Variants in KIAA0753 observed in about 807,000 individuals in gnomAD.
KIAA0753 encodes the protein protein moonraker.
A neutral mutation model predicts 116.9 loss-of-function variants in KIAA0753; 114 were observed. The ratio of observed to expected loss-of-function variants is 0.98; its 90% CI spans 0.84 to 1.14. KIAA0753 has a LOEUF of 1.14. Among genes scored for constraint, KIAA0753 ranks in the 50% most tolerant of loss-of-function variants. KIAA0753 has a pLI of 0.00. For synonymous variants in KIAA0753, 405 were observed against 413.1 expected (o/e 0.98, Z 0.24); for missense variants, 1,156 against 1,172.4 (o/e 0.99, Z 0.20).
rs568034655 is a variant in KIAA0753 at position 6,602,863 on chromosome 17, C to T, written c.2010-2405G>A. ...TTTTGATCGGCAATCACTCCCCCTA[C>T]GTTTAAACATGAGAAGATAGCCAAG... On this transcript the variant is annotated intron_variant, in intron 12 of 18. Coordinates refer to ENST00000361413, the MANE Select transcript of KIAA0753 (RefSeq NM_014804.3). 3.3e-5 allele frequency among the ~76,000 whole-genome samples: 5 copies of T among 151,890 alleles called. No individual in the cohort carries two copies. In the South Asian group the frequency reaches 6.2e-4, roughly 19 times the overall value.
intron 3 of KIAA0753, among the ~76,000 whole-genome samples, chr17:6,625,850 C>T (rs895670559): frequency 2.0e-5 from 3 of 152,000 alleles, no homozygotes; most frequent in South Asian, 4.1e-4. Flanking sequence ...TACAGGTCCA[C>T]ACCACCACAC....
At position 6,611,963 on chromosome 17, in the gene KIAA0753, C is replaced by T. The variant is rs11868877; in HGVS notation, c.1501G>A (p.Val501Met). 4.1e-3 allele frequency: 6,630 copies of T among 1,614,098 alleles called. 173 individuals are homozygous for T. In the African/African-American group the frequency reaches 0.063, roughly 15 times the overall value. ...AGAGTATCTTTCTTCCTAAACGGCA[C>T]ATTCTCAGTCACAGGCTTCTTTTTC... Reference protein sequence around the residue: ...AGKKKPVTENVPFRKKDTLAP... With the variant: ...AGKKKPVTENMPFRKKDTLAP... The change falls in exon 8 of 19, where the codon GTG becomes ATG. Residue 501 changes from valine (V) to methionine (M), a missense_variant. Val to Met is a conservative substitution (Grantham distance 21, BLOSUM62 1). Transcript: ENST00000361413.
At chr17:6,617,729 C>A (rs1326200108) in intron 7 of KIAA0753, among the ~76,000 whole-genome samples, 2 of 152,246 alleles carry the variant, frequency 1.3e-5, no homozygotes, top group Non-Finnish European at 2.9e-5. Flanking sequence ...CCACTCCCAT[C>A]CTCCATCCTC....
At chr17:6,618,939 C>T (rs904515449) in intron 7 of KIAA0753, among the ~76,000 whole-genome samples, 3 of 152,064 alleles carry the variant, frequency 2.0e-5, no homozygotes, top group African/African-American at 4.8e-5. Context: ...TTAAAAACTC[C>T]AATAATAGGC....
intron 2 of KIAA0753, among the ~76,000 whole-genome samples, chr17:6,631,671 T>C (rs1295554759): frequency 6.6e-6 from 1 of 152,194 alleles, no homozygotes; most frequent in Admixed American, 6.5e-5. Flanking sequence ...TGAATGTGTG[T>C]ACATGTATGT....
intron 12 of KIAA0753, 88 bp downstream of exon 12, chr17:6,606,785 C>G: frequency 1.0e-6 from 1 of 959,946 alleles, no homozygotes; most frequent in Non-Finnish European, 1.7e-6. Flanking sequence ...GAAGTTAGGC[C>G]TTAACAGTCC....
rs180745871 is a variant in KIAA0753, at chr17:6,579,870, A to G, written c.2787-6T>C. The G allele has an allele frequency of 1.7e-5, 28 of 1,609,424 alleles. No homozygotes were observed. Among genetic ancestry groups the G allele is most frequent in the African/African-American group, 2.7e-5 (2 of 74,936 alleles). On this transcript the variant is annotated splice_polypyrimidine_tract_variant and splice_region_variant and intron_variant, in intron 18 of 18. Coordinates refer to ENST00000361413, the MANE Select transcript of KIAA0753 (RefSeq NM_014804.3). ...CTACCAGCTCTTCTGAAAAGCTGGAAGACAAACAACACAACTAAAGGTATG... is the reference window on the plus strand; with the variant it reads ...CTACCAGCTCTTCTGAAAAGCTGGAGGACAAACAACACAACTAAAGGTATG...
chr17:6,623,020 A>T lies in KIAA0753; in HGVS notation c.966T>A (p.Thr322=), dbSNP rs966334957. 2 of 1,614,210 alleles carry T rather than the reference A, an allele frequency of 1.2e-6. No homozygotes were observed. Among genetic ancestry groups the T allele is most frequent in the Non-Finnish European group, 8.5e-7 (1 of 1,180,022 alleles). Residue 322 remains threonine (T), a synonymous_variant, in exon 6 of 19, where the codon ACT becomes ACA. Transcript: ENST00000361413. ...CAGGAAGTGGATGCTCCCCTCGGTC[A>T]GTAAACTGAGTGACAAACATCTGTA... ...RALQMFVTQF[T]DRGEHPLPAR...
chr17:6,598,700 A>G (rs998802072), intron 14 of KIAA0753, among the ~76,000 whole-genome samples: 23 of 152,256 alleles, frequency 1.5e-4, no homozygotes. Flanking sequence ...GGTCCTCCAG[A>G]GGAAGAGTAC....
At chr17:6,601,765 G>C (rs1969889572) in intron 12 of KIAA0753, among the ~76,000 whole-genome samples, 1 of 152,156 alleles carries the variant, frequency 6.6e-6, no homozygotes. Flanking sequence ...TTCTTAGCTA[G>C]TTCACCAAAA....
At chr17:6,622,793 T>C (rs1971413490) in intron 6 of KIAA0753, 89 bp downstream of exon 6, 10 of 1,133,356 alleles carry the variant, frequency 8.8e-6, no homozygotes, top group Non-Finnish European at 1.3e-5. Flanking sequence ...TGGCTTTGTC[T>C]TGTATTCTCC....
chr17:6,623,635 G>C, intron 4 of KIAA0753, 64 bp from the exon 5 acceptor site: 1 of 1,558,502 alleles, frequency 6.4e-7, no homozygotes. Context: ...TGTAGAAAAG[G>C]ATGCATCGAT....
At position 6,579,722 on chromosome 17, in the gene KIAA0753, C is replaced by T; in HGVS notation, c.*25G>A. On this transcript the variant is annotated 3_prime_UTR_variant, in exon 19 of 19. Coordinates refer to ENST00000361413, the MANE Select transcript of KIAA0753 (RefSeq NM_014804.3). ...GTGCCATCCCTTCTCCAGTGTGACA[C>T]AAATGGCCTCGCCTCAGAGAGCCTT... The T allele has an allele frequency of 1.3e-6, 2 of 1,527,562 alleles. No homozygotes were observed. Among genetic ancestry groups the T allele is most frequent in the Non-Finnish European group, 1.8e-6 (2 of 1,102,832 alleles). The allele number at this position is 1,527,562 out of a possible 1,614,324, so 94.6% of individuals were successfully genotyped here.
intron 3 of KIAA0753, 108 bp downstream of exon 3, chr17:6,628,009 G>C (rs1390611947): frequency 3.6e-6 from 4 of 1,103,726 alleles, no homozygotes; most frequent in Non-Finnish European, 3.9e-6. Context: ...CCAACTCACA[G>C]AAGGAAAGAA....
At chr17:6,596,911 G>C (rs535520964) in intron 14 of KIAA0753, among the ~76,000 whole-genome samples, 65 of 152,184 alleles carry the variant, frequency 4.3e-4, no homozygotes, top group Non-Finnish European at 7.3e-4. Context: ...CTCTTGATTT[G>C]AATGCATGTT....
chr17:6,607,732 C>T (rs1000444143), intron 10 of KIAA0753, among the ~76,000 whole-genome samples: 4 of 152,120 alleles, frequency 2.6e-5, no homozygotes, highest in Admixed American at 6.6e-5. Context: ...TTTAATGGAC[C>T]GCTTTCATTT....
chr17:6,593,785 G>A (rs766829601), intron 16 of KIAA0753, among the ~76,000 whole-genome samples: 1 of 152,230 alleles, frequency 6.6e-6, no homozygotes, highest in African/African-American at 2.4e-5. Context: ...TTGGGAGGCT[G>A]AGGCAACAAG....
intron 1 of KIAA0753, chr17:6,635,376 C>CA (rs892538884): frequency 2.5e-3 from 566 of 224,928 alleles, no homozygotes; most frequent in East Asian, 4.1e-3. Flanking sequence ...ATTTCAAAAA[C>CA]AAAAAAAAAT....
At chr17:6,636,246 C>T (rs1239686884) in intron 1 of KIAA0753, 1 of 152,134 alleles carries the variant, frequency 6.6e-6, no homozygotes, top group Non-Finnish European at 1.5e-5. Context: ...ATTTCTAAGG[C>T]TGTAGCACAC....
Sources: gnomAD v4.1 joint callset for allele counts (sites outside exome capture counted in the v4.1 genomes callset) on GRCh38, gnomAD v4.1.1 for gene constraint, MANE v1.5 for transcripts, NCBI Gene and HGNC (gene_info 2026-07-23, HGNC 2026-07-21) for gene names.